RAB38: variants seen among roughly 807,000 people sequenced by gnomAD.
The protein encoded by RAB38 is RAB38, member RAS oncogene family, also known as ras-related protein Rab-38.
A neutral mutation model predicts 18.4 loss-of-function variants in RAB38; 15 were observed. That is an observed-to-expected ratio of 0.82 (90% CI 0.55 to 1.26). The LOEUF is 1.26. Among genes scored for constraint, RAB38 ranks in the 50% most tolerant of loss-of-function variants. RAB38 has a pLI of 0.00. For synonymous variants in RAB38, 101 were observed against 104.4 expected (o/e 0.97, Z 0.20); for missense variants, 294 against 267.4 (o/e 1.10, Z -0.69).
At chr11:87,977,925 T>C in the RAB38 span, among the ~76,000 whole-genome samples, 6 of 113,132 alleles carry the variant, frequency 5.3e-5, no homozygotes, top group African/African-American at 2.1e-4. Flanking sequence ...AAATATGTAG[T>C]GACACCTTTA....
chr11:88,061,728 T>C, the RAB38 span: 1 of 152,142 alleles, frequency 6.6e-6, no homozygotes, highest in Non-Finnish European at 1.5e-5. Context: ...TGAGGCCTGA[T>C]TTCCTCTTGT....
the RAB38 span, among the ~76,000 whole-genome samples, chr11:87,855,734 T>C: frequency 6.6e-6 from 1 of 152,200 alleles, no homozygotes; most frequent in South Asian, 2.1e-4. Flanking sequence ...ATTTAGTCTT[T>C]TCCTACATAA....
intron 2 of RAB38, among the ~76,000 whole-genome samples, chr11:88,140,577 A>C (rs1942899000): frequency 6.6e-6 from 1 of 152,188 alleles, no homozygotes; most frequent in South Asian, 2.1e-4. Flanking sequence ...TAGCATGGTA[A>C]GGTATAGGAG....
the RAB38 span, among the ~76,000 whole-genome samples, chr11:87,842,172 A>G: frequency 6.6e-6 from 1 of 152,156 alleles, no homozygotes; most frequent in Non-Finnish European, 1.5e-5. Flanking sequence ...AAGAAAAGGA[A>G]ATTTTAGCAG....
chr11:88,064,045 A>G, the RAB38 span, among the ~76,000 whole-genome samples: 2 of 152,230 alleles, frequency 1.3e-5, no homozygotes, highest in African/African-American at 4.8e-5. Context: ...GTAAATGTCT[A>G]TATTGACAAC....
chr11:87,937,096 T>C, the RAB38 span, among the ~76,000 whole-genome samples: 2 of 151,824 alleles, frequency 1.3e-5, no homozygotes, highest in African/African-American at 2.4e-5. Context: ...AGTATAATTA[T>C]AGATATAAGC....
the RAB38 span, among the ~76,000 whole-genome samples, chr11:88,020,690 C>T: frequency 6.6e-6 from 1 of 152,068 alleles, no homozygotes; most frequent in African/African-American, 2.4e-5. Context: ...TTGAACAGAC[C>T]ATATATTAGG....
the RAB38 span, among the ~76,000 whole-genome samples, chr11:87,876,372 G>A: frequency 9.6e-3 from 1,456 of 151,604 alleles, 8 homozygotes; most frequent in Non-Finnish European, 0.013. Flanking sequence ...TTCTTTCACA[G>A]ATGTTGGACA....
intron 1 of RAB38, chr11:88,174,247 G>C: frequency 3.9e-6 from 1 of 257,948 alleles, no homozygotes; most frequent in African/African-American, 2.3e-5. Context: ...ATGAGGGGTT[G>C]GTCATGCGCA....
chr11:87,910,898 A>G, the RAB38 span, among the ~76,000 whole-genome samples: 1 of 151,914 alleles, frequency 6.6e-6, no homozygotes. Flanking sequence ...ATCCTCCCAA[A>G]GTGCTGGGAT....
chr11:88,131,568 A>T, intron 2 of RAB38, among the ~76,000 whole-genome samples: 1 of 152,204 alleles, frequency 6.6e-6, no homozygotes, highest in East Asian at 1.9e-4. Context: ...TCTGAACTTT[A>T]ATCTATGGCC....
the RAB38 span, among the ~76,000 whole-genome samples, chr11:87,919,689 T>G: frequency 2.6e-5 from 4 of 151,998 alleles, no homozygotes; most frequent in Non-Finnish European, 4.4e-5. Context: ...ATTAGTTACT[T>G]AAATATTTGG....
At chr11:87,838,814 A>T in the RAB38 span, among the ~76,000 whole-genome samples, 1 of 152,208 alleles carries the variant, frequency 6.6e-6, no homozygotes, top group South Asian at 2.1e-4. Flanking sequence ...AAAAATATCT[A>T]ACATTTACTG....
At chr11:87,920,183 A>G in the RAB38 span, among the ~76,000 whole-genome samples, 1 of 151,388 alleles carries the variant, frequency 6.6e-6, no homozygotes, top group Non-Finnish European at 1.5e-5. Flanking sequence ...CCTTCTGCTA[A>G]TTTTCAGCTC....
intron 1 of RAB38, among the ~76,000 whole-genome samples, chr11:88,157,026 C>T (rs528183311): frequency 5.3e-4 from 81 of 152,116 alleles, no homozygotes; most frequent in Non-Finnish European, 1.0e-3. Flanking sequence ...GTCTAAGCTC[C>T]CCACTTAAAA....
At chr11:87,825,282 A>C in the RAB38 span, among the ~76,000 whole-genome samples, 2 of 152,198 alleles carry the variant, frequency 1.3e-5, no homozygotes, top group African/African-American at 2.4e-5. Flanking sequence ...GTTCAGAAAA[A>C]AGAGTCCTCA....
the RAB38 span, among the ~76,000 whole-genome samples, chr11:88,019,978 T>A: frequency 6.6e-6 from 1 of 152,176 alleles, no homozygotes; most frequent in African/African-American, 2.4e-5. Flanking sequence ...GACATACACA[T>A]AGACCAGTGC....
chr11:87,818,661 T>C, the RAB38 span, among the ~76,000 whole-genome samples: 2 of 152,162 alleles, frequency 1.3e-5, no homozygotes, highest in Non-Finnish European at 2.9e-5. Flanking sequence ...TTCACAACAC[T>C]TACAAACTAT....
chr11:87,908,939 G>T, the RAB38 span, among the ~76,000 whole-genome samples: 2 of 151,842 alleles, frequency 1.3e-5, no homozygotes, highest in African/African-American at 4.8e-5. Context: ...GGAACAAAAT[G>T]GAATGCATCA....
Sources: gnomAD v4.1 joint callset for allele counts (sites outside exome capture counted in the v4.1 genomes callset) on GRCh38, gnomAD v4.1.1 for gene constraint, MANE v1.5 for transcripts, NCBI Gene and HGNC (gene_info 2026-07-23, HGNC 2026-07-21) for gene names.